Variants in NTAN1 observed in about 807,000 individuals in gnomAD.
The protein encoded by NTAN1 is protein N-terminal asparagine amidohydrolase.
A neutral mutation model predicts 41.9 loss-of-function variants in NTAN1; 32 were observed. The ratio of observed to expected loss-of-function variants is 0.76; its 90% CI spans 0.58 to 1.03. NTAN1 has a LOEUF of 1.03. Ranked by LOEUF, NTAN1 falls within the 50% of genes least tolerant of loss-of-function variation. The probability of loss-of-function intolerance (pLI) is 0.00; values close to 1 mark genes in which losing one functional copy is unlikely to be tolerated. For synonymous variants in NTAN1, 140 were observed against 139.5 expected (o/e 1.00, Z -0.03); for missense variants, 377 against 377.5 (o/e 1.00, Z 0.01).
Position 15,044,374 on chromosome 16 carries a change from G to T in NTAN1, c.393C>A (p.Asp131Glu), listed in dbSNP as rs369969404. 6.2e-7 allele frequency: 1 copy of T among 1,613,386 alleles called. No homozygotes were observed. The highest frequency in any genetic ancestry group is 1.7e-5 in the Admixed American group (1 of 59,986). The change falls in exon 5 of 10, where the codon GAC becomes GAA. Residue 131 changes from aspartate (D) to glutamate (E), a missense_variant. Transcript: ENST00000287706. ...TGAGTTTTTGTGACAACTGCCTGTC[G>T]TCACTGAAGCCTCCAACAAGGTGTA... ...LEVHLVGGFS[D>E]DRQLSQKLTH...
chr16:15,041,804 C>A, intron 5 of NTAN1, 128 bp from the exon 6 acceptor site: 1 of 719,608 alleles, frequency 1.4e-6, no homozygotes, highest in Non-Finnish European at 2.5e-6. Context: ...AGCCCGCGCC[C>A]ACACTGCCAC....
At chr16:15,054,846 CAAACA>C (rs2044439589) in intron 1 of NTAN1, among the ~76,000 whole-genome samples, 1 of 152,168 alleles carries the variant, frequency 6.6e-6, no homozygotes, top group South Asian at 2.1e-4. Flanking sequence ...AACAAACAAG[CAAACA>C]AAATAATCAC....
At chr16:15,040,387 G>C in intron 7 of NTAN1, 1 of 295,510 alleles carries the variant, frequency 3.4e-6, no homozygotes, top group Non-Finnish European at 6.2e-6. Context: ...TACGGCCAGG[G>C]GTGGCTGGGT....
At chr16:15,042,899 A>AT (rs1193801850) in intron 5 of NTAN1, among the ~76,000 whole-genome samples, 37,435 of 121,394 alleles carry the variant, frequency 0.31, 6,574 homozygotes, top group Middle Eastern at 0.44. Context: ...TGCCCAGCTA[A>AT]TTTTTTTTTT....
At chr16:15,044,295 A>G in intron 5 of NTAN1, 39 bp downstream of exon 5, 1 of 1,407,584 alleles carries the variant, frequency 7.1e-7, no homozygotes, top group Non-Finnish European at 1.0e-6. Flanking sequence ...GTACATATTT[A>G]TGTCCAATTT....
intron 1 of NTAN1, among the ~76,000 whole-genome samples, chr16:15,053,820 A>T (rs975681330): frequency 1.3e-5 from 2 of 152,206 alleles, no homozygotes; most frequent in African/African-American, 4.8e-5. Context: ...CTGAGGCAGG[A>T]GAATCGCTTG....
chr16:15,040,475 A>AAC (rs2043764259), intron 7 of NTAN1: 1 of 185,156 alleles, frequency 5.4e-6, no homozygotes, highest in African/African-American at 2.4e-5. Flanking sequence ...TAGAACAGTG[A>AAC]ACACTGTGTA....
At chr16:15,038,533 G>C in intron 9 of NTAN1, 41 bp downstream of exon 9, 1 of 1,089,264 alleles carries the variant, frequency 9.2e-7, no homozygotes, top group Non-Finnish European at 1.4e-6. Flanking sequence ...GGGAAACCAG[G>C]GTGCAGAGAT....
chr16:15,054,007 C>A (rs1156724310), intron 1 of NTAN1, among the ~76,000 whole-genome samples: 1 of 152,164 alleles, frequency 6.6e-6, no homozygotes, highest in Non-Finnish European at 1.5e-5. Flanking sequence ...GCCCCTTGGT[C>A]ATTTGGTCAT....
rs370043410 is a variant in NTAN1 at position 15,038,650 on chromosome 16, C to T, written c.677G>A (p.Arg226His). The change falls in exon 9 of 10, where the codon CGT (arginine) becomes CAT (histidine). Residue 226 changes from arginine (R) to histidine (H), a missense_variant. By Grantham distance (29) the Arg-to-His change is conservative (BLOSUM62 0). Coordinates refer to ENST00000287706, the MANE Select transcript of NTAN1 (RefSeq NM_173474.4). ...TGGTGTCCAGGAGTACGGTCCTATA[C>T]GAAGTTGTTCTGTCTCTGCATCATA... ...SIYDAETEQL[R>H]IGPYSWTPFP... 165 of 1,605,894 alleles carry T rather than the reference C, an allele frequency of 1.0e-4. No homozygotes were observed. Among genetic ancestry groups the T allele is most frequent in the Admixed American group, 1.3e-4 (8 of 59,520 alleles).
At position 15,047,147 on chromosome 16, in the gene NTAN1, G is replaced by C. The variant is rs556483715; in HGVS notation, c.359+295C>G. On this transcript the variant is annotated intron_variant, in intron 4 of 9. Transcript: ENST00000287706. ...CTGCATGGAGAGCTACCACACCCGG[G>C]GGAGAGCAAAACGATGTGAAAATCG... 8.5e-5 allele frequency: 37 copies of C among 434,210 alleles called. No homozygotes were observed. The South Asian group carries it at 1.0e-3, about 12-fold the overall frequency. The allele number at this position is 434,210 out of a possible 1,614,324, so 26.9% of individuals were successfully genotyped here.
Position 15,037,943 on chromosome 16 carries a change from C to T in NTAN1, c.*88G>A. 1.1e-6 allele frequency: 1 copy of T among 903,946 alleles called. No individual in the cohort carries two copies. Among genetic ancestry groups the T allele is most frequent in the South Asian group, 1.6e-5 (1 of 60,688 alleles). The allele number at this position is 903,946 out of a possible 1,614,324, so 56.0% of individuals were successfully genotyped here. On this transcript the variant is annotated 3_prime_UTR_variant, in exon 10 of 10. Coordinates refer to ENST00000287706, the MANE Select transcript of NTAN1 (RefSeq NM_173474.4). ...GGAGGGAAGGAGGCCTAAGACCCAA[C>T]AGATGTAGGATCCAGATCTGGATTC...
rs769027262 is a variant in NTAN1 at position 15,047,430 on chromosome 16, C to T, written c.359+12G>A. The T allele has an allele frequency of 1.1e-5, 16 of 1,515,326 alleles. No homozygotes were observed. The highest frequency in any genetic ancestry group is 4.1e-5 in the African/African-American group (3 of 72,820). 93.9% of individuals were successfully genotyped at this position (1,515,326 alleles called of 1,614,324 possible). On this transcript the variant is annotated intron_variant, in intron 4 of 9. Coordinates refer to ENST00000287706, the MANE Select transcript of NTAN1 (RefSeq NM_173474.4). ...GATCTCAATTCACCTATGAGAGCAG[C>T]GTAGATCTCACCTTCCACATTGAGC...
intron 4 of NTAN1, among the ~76,000 whole-genome samples, chr16:15,046,211 A>G (rs934268224): frequency 1.3e-5 from 2 of 152,234 alleles, no homozygotes; most frequent in African/African-American, 4.8e-5. Context: ...CAGAGGGAGA[A>G]TTTAGAATCG....
intron 8 of NTAN1, 120 bp downstream of exon 8, chr16:15,039,849 T>G (rs1420694750): frequency 3.0e-6 from 2 of 671,792 alleles, no homozygotes; most frequent in African/African-American, 3.6e-5. Context: ...TGGTCCCTGA[T>G]AATGTACGGC....
intron 4 of NTAN1, chr16:15,046,123 G>C (rs1301149218): frequency 1.3e-5 from 2 of 152,284 alleles, no homozygotes; most frequent in Non-Finnish European, 2.9e-5. Flanking sequence ...GGGCCAAGAT[G>C]ATAGGAAAAT....
At chr16:15,044,201 A>G (rs993843667) in intron 5 of NTAN1, 133 bp downstream of exon 5, 10 of 639,150 alleles carry the variant, frequency 1.6e-5, no homozygotes, top group Non-Finnish European at 2.5e-5. Flanking sequence ...CAAGCTGGGC[A>G]GTCTGTTTCT....
Position 15,040,143 on chromosome 16 carries a change from A to T in NTAN1, c.542-77T>A, listed in dbSNP as rs540167833. ...GTCTGCACAGTCTTACATTTCTACC[A>T]CCACTCCTAAGAGAAAGATAGGAAA... On this transcript the variant is annotated intron_variant, in intron 7 of 9. Coordinates refer to ENST00000287706, the MANE Select transcript of NTAN1 (RefSeq NM_173474.4). 3 of 764,092 alleles carry T rather than the reference A, an allele frequency of 3.9e-6. No homozygotes were observed. In the East Asian group the frequency reaches 7.9e-5, roughly 20 times the overall value. 47.3% of individuals were successfully genotyped at this position (764,092 alleles called of 1,614,324 possible).
At chr16:15,046,850 G>C (rs1469448394) in intron 4 of NTAN1, among the ~76,000 whole-genome samples, 2 of 151,974 alleles carry the variant, frequency 1.3e-5, no homozygotes, top group Non-Finnish European at 2.9e-5. Flanking sequence ...GCTCCAGACA[G>C]GGCGACACAG....
Sources: gnomAD v4.1 joint callset for allele counts (sites outside exome capture counted in the v4.1 genomes callset) on GRCh38, gnomAD v4.1.1 for gene constraint, MANE v1.5 for transcripts, NCBI Gene and HGNC (gene_info 2026-07-23, HGNC 2026-07-21) for gene names.